The following AGAP1 variants were observed in gnomAD, a reference collection of about 807,000 sequenced individuals.
The protein encoded by AGAP1 is ArfGAP with GTPase domain, ankyrin repeat and PH domain 1.
AGAP1 carries 29 observed loss-of-function variants against 105.3 expected under a neutral mutation model. The ratio of observed to expected loss-of-function variants is 0.28; its 90% CI spans 0.21 to 0.38. The LOEUF is 0.38. Among genes scored for constraint, AGAP1 ranks in the 10% least tolerant of loss-of-function variants. The probability of loss-of-function intolerance (pLI) is 1.00; values close to 1 mark genes in which losing one functional copy is unlikely to be tolerated. For synonymous variants in AGAP1, 509 were observed against 485.9 expected (o/e 1.05, Z -0.63); for missense variants, 998 against 1,165.1 (o/e 0.86, Z 2.09).
rs1265812818 is a variant in AGAP1 at position 235,705,167 on chromosome 2, C to T, written c.164-4012C>T. 2.0e-5 allele frequency among the ~76,000 whole-genome samples: 3 copies of T among 151,858 alleles called. No homozygotes were observed. Among genetic ancestry groups the T allele is most frequent in the African/African-American group, 7.3e-5 (3 of 41,354 alleles). On this transcript the variant is annotated intron_variant, in intron 1 of 17. Transcript: ENST00000304032. The surrounding 1 kb of genome is among the most constrained non-coding windows in gnomAD (Gnocchi z 4.9). Reference sequence around the variant, plus strand: ...CTAATTTTTGTATTTTTAGTAGAGACGAGGTTTCGCCATGTTGGCCAGGCT... The same window carrying T: ...CTAATTTTTGTATTTTTAGTAGAGATGAGGTTTCGCCATGTTGGCCAGGCT...
intron 10 of AGAP1, among the ~76,000 whole-genome samples, chr2:235,890,988 C>T (rs1041830873): frequency 6.7e-6 from 1 of 149,904 alleles, no homozygotes; most frequent in African/African-American, 2.5e-5. Flanking sequence ...TCTCAAGATG[C>T]TATTATTAAA....
In AGAP1 at chr2:235,573,152, C is replaced by T. The variant is rs75743705; in HGVS notation, c.163+78303C>T. Among the ~76,000 whole-genome samples, 276 of 139,196 alleles carry T rather than the reference C, an allele frequency of 2.0e-3. 2 individuals carry two copies. In the East Asian group the frequency reaches 0.041, roughly 21 times the overall value. 91.3% of individuals were successfully genotyped at this position (139,196 alleles called of 152,430 possible). On this transcript the variant is annotated intron_variant, in intron 1 of 17. Coordinates refer to ENST00000304032, the MANE Select transcript of AGAP1 (RefSeq NM_001037131.3). ...GAATCTCACTCTGTTACCCAGGCTG[C>T]ATTGCAGTGGCACAGACAGCTCCCT...
intron 6 of AGAP1, among the ~76,000 whole-genome samples, chr2:235,794,752 A>G (rs1957164871): frequency 6.6e-6 from 1 of 152,256 alleles, no homozygotes; most frequent in East Asian, 1.9e-4. Flanking sequence ...GATTACAGGT[A>G]TGAGCCACCG....
intron 1 of AGAP1, among the ~76,000 whole-genome samples, chr2:235,548,038 C>T (rs1289448032): frequency 2.0e-5 from 3 of 152,232 alleles, no homozygotes; most frequent in African/African-American, 7.2e-5. Context: ...AAGCTGCGGA[C>T]AGAGGGTTGG....
chr2:235,952,408 T>C (rs1456835442), intron 12 of AGAP1, among the ~76,000 whole-genome samples: 1 of 152,252 alleles, frequency 6.6e-6, no homozygotes, highest in Non-Finnish European at 1.5e-5. Context: ...TGCAGACTTT[T>C]TTCCTGTATT....
chr2:236,048,676 C>T (rs891112457), intron 15 of AGAP1, among the ~76,000 whole-genome samples: 3 of 152,350 alleles, frequency 2.0e-5, no homozygotes, highest in Non-Finnish European at 2.9e-5. Flanking sequence ...ACTTCTCCTT[C>T]CCTCTCAGCA....
At position 236,119,976 on chromosome 2, in the gene AGAP1, C is replaced by T. The variant is rs527348267; in HGVS notation, c.2115-216C>T. On this transcript the variant is annotated intron_variant, in intron 16 of 17. Coordinates refer to ENST00000304032, the MANE Select transcript of AGAP1 (RefSeq NM_001037131.3). This position sits in a 1 kb window ranked among gnomAD's most constrained non-coding sequence, Gnocchi z 6.6. ...GGATTCAGGGGGTCTGGGGCGTGAC[C>T]TGAGAATCTGCATTTCTGGGCTGAT... 1.3e-5 allele frequency among the ~76,000 whole-genome samples: 2 copies of T among 152,290 alleles called. No homozygotes were observed. Among genetic ancestry groups the T allele is most frequent in the African/African-American group, 4.8e-5 (2 of 41,564 alleles).
intron 1 of AGAP1, among the ~76,000 whole-genome samples, chr2:235,501,532 A>G (rs1183833300): frequency 6.6e-6 from 1 of 152,196 alleles, no homozygotes; most frequent in Non-Finnish European, 1.5e-5. Context: ...AAGGGAGAGA[A>G]GCAGTGGGGG....
At position 235,843,437 on chromosome 2, in the gene AGAP1, C is replaced by A. The variant is rs1575598523; in HGVS notation, c.1050+36106C>A. Among the ~76,000 whole-genome samples the A allele has an allele frequency of 6.6e-6, 1 of 152,174 alleles. No individual in the cohort carries two copies. The highest frequency in any genetic ancestry group is 1.5e-5 in the Non-Finnish European group (1 of 68,024). On this transcript the variant is annotated intron_variant, in intron 9 of 17. Coordinates refer to ENST00000304032, the MANE Select transcript of AGAP1 (RefSeq NM_001037131.3). This position sits in a 1 kb window ranked among gnomAD's most constrained non-coding sequence, Gnocchi z 5.9. ...GCACGGTCTGGTTGGGCCCCACTTT[C>A]TTCCTGGAAAGGTATTTTCTGGGGC...
rs1352075521 is a variant in AGAP1, at chr2:236,125,928, A to T, written c.*1806A>T. The T allele has an allele frequency of 6.6e-6, 1 of 152,256 alleles. No individual in the cohort carries two copies. Among genetic ancestry groups the T allele is most frequent in the East Asian group, 1.9e-4 (1 of 5,202 alleles). 9.4% of individuals were successfully genotyped at this position (152,256 alleles called of 1,614,324 possible). ...GAAGATGAGGACACTAGACTCATGT[A>T]GCACAGAAACATGAAGCCACACGCA... On this transcript the variant is annotated 3_prime_UTR_variant, in exon 18 of 18. Coordinates refer to ENST00000304032, the MANE Select transcript of AGAP1 (RefSeq NM_001037131.3). This position sits in a 1 kb window ranked among gnomAD's most constrained non-coding sequence, Gnocchi z 5.2.
At chr2:235,804,847 G>GGC (rs1383644927) in intron 8 of AGAP1, among the ~76,000 whole-genome samples, 1 of 152,184 alleles carries the variant, frequency 6.6e-6, no homozygotes, top group Non-Finnish European at 1.5e-5. Context: ...CTGTATGCAG[G>GGC]GCAGGGTCAC....
At chr2:235,507,992 A>G (rs1941899421) in intron 1 of AGAP1, among the ~76,000 whole-genome samples, 2 of 151,814 alleles carry the variant, frequency 1.3e-5, no homozygotes, top group African/African-American at 4.8e-5. Flanking sequence ...CCGTTGTTCC[A>G]TTCTTTGTGT....
At chr2:235,903,652 C>T (rs1460126214) in intron 10 of AGAP1, among the ~76,000 whole-genome samples, 3 of 152,144 alleles carry the variant, frequency 2.0e-5, no homozygotes, top group South Asian at 2.1e-4. Context: ...TTACTGAGGA[C>T]GGGAGAGGCC....
At chr2:235,783,602 T>TGGAAA (rs1956415188) in intron 6 of AGAP1, among the ~76,000 whole-genome samples, 1 of 152,174 alleles carries the variant, frequency 6.6e-6, no homozygotes, top group Admixed American at 6.5e-5. Flanking sequence ...CCACAAAACA[T>TGGAAA]TATGCTCTGT....
At chr2:235,766,424 TCTC>T (rs1033637827) in intron 6 of AGAP1, among the ~76,000 whole-genome samples, 2 of 152,136 alleles carry the variant, frequency 1.3e-5, no homozygotes, top group African/African-American at 2.4e-5. Context: ...TAAGGATTAT[TCTC>T]CTGCGCAAAT....
intron 1 of AGAP1, among the ~76,000 whole-genome samples, chr2:235,589,222 T>TTA (rs1945248370): frequency 7.8e-6 from 1 of 128,060 alleles, no homozygotes; most frequent in Non-Finnish European, 1.6e-5. Context: ...TTTTTTTTTT[T>TTA]GAGACGGAGT....
rs12623764 is a variant in AGAP1, at chr2:235,555,098, G to A, written c.163+60249G>A. ...GGTGGGGCTGGGATGAGGAGAGCGCGGCCGCCAGGGTCAGCCTGGATGCTC... is the reference window on the plus strand; with the variant it reads ...GGTGGGGCTGGGATGAGGAGAGCGCAGCCGCCAGGGTCAGCCTGGATGCTC... On this transcript the variant is annotated intron_variant, in intron 1 of 17. Transcript: ENST00000304032. The surrounding 1 kb of genome is among the most constrained non-coding windows in gnomAD (Gnocchi z 5.1). Among the ~76,000 whole-genome samples, 1 of 152,118 alleles carries A rather than the reference G, an allele frequency of 6.6e-6. No individual in the cohort carries two copies. The highest frequency in any genetic ancestry group is 2.4e-5 in the African/African-American group (1 of 41,416).
rs187644583 is a variant in AGAP1, at chr2:235,812,795, C to T, written c.1050+5464C>T. On this transcript the variant is annotated intron_variant, in intron 9 of 17. Coordinates refer to ENST00000304032, the MANE Select transcript of AGAP1 (RefSeq NM_001037131.3). ...GAGGACGGCTCACGTTTATTAAGCC[C>T]CACCATTGAGGAACCAAGGTGAGCG... 5.6e-4 allele frequency among the ~76,000 whole-genome samples: 85 copies of T among 152,338 alleles called. No individual in the cohort carries two copies. The East Asian group carries it at 0.015, about 26-fold the overall frequency.
At chr2:235,585,646 A>G (rs1365004810) in intron 1 of AGAP1, among the ~76,000 whole-genome samples, 14 of 152,134 alleles carry the variant, frequency 9.2e-5, no homozygotes, top group South Asian at 4.2e-4. Flanking sequence ...GTGATTCTCA[A>G]TCTAGGTTTG....
Sources: allele counts gnomAD v4.1 joint callset (sites outside exome capture counted in the v4.1 genomes callset), GRCh38; gene constraint gnomAD v4.1.1; non-coding constraint Gnocchi (gnomAD v3.1); transcripts MANE v1.5; gene names NCBI Gene and HGNC (gene_info 2026-07-23, HGNC 2026-07-21).